The following SLC31A1 variants were observed in gnomAD, a reference collection of about 807,000 sequenced individuals.
The protein encoded by SLC31A1 is solute carrier family 31 member 1.
In SLC31A1, 5 loss-of-function variants were observed where a neutral mutation model predicts 17.2. The observed-to-expected ratio is 0.29, with a 90% CI of 0.15 to 0.61. SLC31A1 has a LOEUF of 0.61. Ranked by LOEUF, SLC31A1 falls within the 20% of genes least tolerant of loss-of-function variation. The pLI, the probability that SLC31A1 is intolerant of heterozygous loss-of-function variation, is 0.86. For synonymous variants in SLC31A1, 76 were observed against 78.8 expected (o/e 0.96, Z 0.19); for missense variants, 161 against 241.4 (o/e 0.67, Z 2.21).
intron 1 of SLC31A1, among the ~76,000 whole-genome samples, chr9:113,243,714 T>C (rs1831546347): frequency 6.6e-6 from 1 of 152,244 alleles, no homozygotes; most frequent in South Asian, 2.1e-4. Context: ...TGTCTTGTTC[T>C]GATTAGAATT....
At chr9:113,237,195 C>CAAG (rs1831469343) in intron 1 of SLC31A1, among the ~76,000 whole-genome samples, 1 of 152,082 alleles carries the variant, frequency 6.6e-6, no homozygotes, top group Non-Finnish European at 1.5e-5. Flanking sequence ...GTAGAGCAGC[C>CAAG]AAGAGTACTG....
At chr9:113,221,892 G>A (rs1342068899) in intron 1 of SLC31A1, among the ~76,000 whole-genome samples, 4 of 152,216 alleles carry the variant, frequency 2.6e-5, no homozygotes, top group African/African-American at 9.6e-5. Context: ...CAGTTTCCCC[G>A]TGTATGCAAC....
chr9:113,229,107 A>G (rs1831374773), intron 1 of SLC31A1, among the ~76,000 whole-genome samples: 1 of 152,356 alleles, frequency 6.6e-6, no homozygotes, highest in African/African-American at 2.4e-5. Context: ...TGGCCTCCCA[A>G]AGTGCTGGGA....
chr9:113,255,136 C>T (rs1165714799), intron 1 of SLC31A1, among the ~76,000 whole-genome samples: 2 of 152,152 alleles, frequency 1.3e-5, no homozygotes, highest in Non-Finnish European at 2.9e-5. Flanking sequence ...CCATAGTAGA[C>T]CTTTCTTCAA....
intron 1 of SLC31A1, 24 bp from the exon 2 acceptor site, chr9:113,256,090 A>T (rs1831723617): frequency 1.3e-6 from 2 of 1,491,058 alleles, no homozygotes; most frequent in African/African-American, 2.8e-5. Flanking sequence ...TTAAATTATT[A>T]TATATAATTC....
rs1831780971 is a variant in SLC31A1 at position 113,260,544 on chromosome 9, G to GCTCCAATCATCCCT, written c.*72_*85dup. 8.2e-7 allele frequency: 1 copy of GCTCCAATCATCCCT among 1,213,668 alleles called. No individual in the cohort carries two copies. The highest frequency in any genetic ancestry group is 1.7e-5 in the Admixed American group (1 of 57,870). The allele number at this position is 1,213,668 out of a possible 1,614,324, so 75.2% of individuals were successfully genotyped here. A position where few individuals can be genotyped will look rare whatever the true frequency, so the allele number is the denominator to read the frequency against. On this transcript the variant is annotated 3_prime_UTR_variant, in exon 5 of 5. Transcript: ENST00000374212. ...TTGAAGACTTGAAGACGTGATTCCTGCTCCAATCATCCCTTCTTGCTCCTC... is the reference window on the plus strand; with the variant it reads ...TTGAAGACTTGAAGACGTGATTCCTGCTCCAATCATCCCTCTCCAATCATCCCTTCTTGCTCCTC...
chr9:113,225,286 G>A (rs776133740), intron 1 of SLC31A1, among the ~76,000 whole-genome samples: 82 of 152,242 alleles, frequency 5.4e-4, no homozygotes, highest in Admixed American at 7.8e-4. Context: ...AGAAAGTAAT[G>A]GATTAAAATT....
chr9:113,259,990 A>T (rs904473417), intron 4 of SLC31A1, among the ~76,000 whole-genome samples: 16 of 152,190 alleles, frequency 1.1e-4, no homozygotes. Context: ...TCAGGATCTA[A>T]GGTGGAGGTA....
intron 1 of SLC31A1, among the ~76,000 whole-genome samples, chr9:113,253,065 T>A (rs1161462056): frequency 2.0e-5 from 3 of 148,548 alleles, no homozygotes; most frequent in African/African-American, 7.4e-5. Context: ...GCCATTCTCC[T>A]ACCTCAGCCT....
chr9:113,231,538 G>A (rs1022102083), intron 1 of SLC31A1, among the ~76,000 whole-genome samples: 4 of 150,760 alleles, frequency 2.7e-5, no homozygotes, highest in African/African-American at 9.8e-5. Context: ...CACTCCAGCC[G>A]GGACAACAGA....
chr9:113,229,721 ATCT>A (rs1159240008), intron 1 of SLC31A1, among the ~76,000 whole-genome samples: 1 of 152,190 alleles, frequency 6.6e-6, no homozygotes, highest in Non-Finnish European at 1.5e-5. Context: ...TCTAGTTTTG[ATCT>A]TCTATGAGAC....
At chr9:113,257,978 C>T (rs937012840) in intron 3 of SLC31A1, among the ~76,000 whole-genome samples, 1 of 152,206 alleles carries the variant, frequency 6.6e-6, no homozygotes, top group Non-Finnish European at 1.5e-5. Flanking sequence ...AGGACCCAGA[C>T]CTTCTAGAGC....
intron 4 of SLC31A1, among the ~76,000 whole-genome samples, chr9:113,259,194 T>C (rs1029949045): frequency 6.6e-5 from 10 of 152,198 alleles, no homozygotes; most frequent in Non-Finnish European, 5.9e-5. Flanking sequence ...GAATGGCAGA[T>C]TGCAGTTGAT....
In SLC31A1 at chr9:113,224,589, C is replaced by T. The variant is rs549882676; in HGVS notation, c.-36+2911C>T. On this transcript the variant is annotated intron_variant, in intron 1 of 4. Coordinates refer to ENST00000374212, the MANE Select transcript of SLC31A1 (RefSeq NM_001859.4). ...GATTACAGGCATGTGCCACCATGCC[C>T]GGCTAATTTTGTATTTTTAGTAGAG... Among the ~76,000 whole-genome samples the T allele has an allele frequency of 1.1e-4, 16 of 152,222 alleles. No homozygotes were observed. In the East Asian group the frequency reaches 1.9e-3, roughly 18 times the overall value.
intron 1 of SLC31A1, among the ~76,000 whole-genome samples, chr9:113,228,572 C>T (rs1486216259): frequency 6.6e-6 from 1 of 152,170 alleles, no homozygotes; most frequent in African/African-American, 2.4e-5. Flanking sequence ...CTTCTTTGTA[C>T]AGAAGGGTGG....
chr9:113,247,876 A>G (rs1831600318), intron 1 of SLC31A1, among the ~76,000 whole-genome samples: 1 of 152,238 alleles, frequency 6.6e-6, no homozygotes, highest in African/African-American at 2.4e-5. Context: ...AACTGAAGAT[A>G]AATGTTCCCT....
chr9:113,258,671 C>G lies in SLC31A1; in HGVS notation c.203-23C>G. The G allele has an allele frequency of 6.2e-7, 1 of 1,613,568 alleles. No individual in the cohort carries two copies. The highest frequency in any genetic ancestry group is 1.1e-5 in the South Asian group (1 of 91,064). On this transcript the variant is annotated intron_variant, in intron 3 of 4. Transcript: ENST00000374212. This position sits in a 1 kb window ranked among gnomAD's most constrained non-coding sequence, Gnocchi z 4.8. ...ATTTTGCACATGTTTGACAGTACCT[C>G]CATATTTTCCTTCCATACTTAGAAA...
chr9:113,237,472 C>T (rs959446320), intron 1 of SLC31A1, among the ~76,000 whole-genome samples: 3 of 152,040 alleles, frequency 2.0e-5, no homozygotes, highest in Non-Finnish European at 4.4e-5. Flanking sequence ...TTCCTTGCCT[C>T]CGTTTTTCTG....
intron 1 of SLC31A1, among the ~76,000 whole-genome samples, chr9:113,231,863 C>G (rs892392716): frequency 3.3e-5 from 5 of 152,144 alleles, no homozygotes; most frequent in Admixed American, 1.3e-4. Flanking sequence ...CATAGTATCT[C>G]TGTGGAAGAG....
Sources: gnomAD v4.1 joint callset for allele counts (sites outside exome capture counted in the v4.1 genomes callset) on GRCh38, gnomAD v4.1.1 for gene constraint, Gnocchi (gnomAD v3.1) non-coding constraint, MANE v1.5 for transcripts, NCBI Gene and HGNC (gene_info 2026-07-23, HGNC 2026-07-21) for gene names.